The following PIGZ variants were observed in gnomAD, a reference collection of about 807,000 sequenced individuals.
PIGZ encodes the protein GPI alpha-1,2-mannosyltransferase 4.
PIGZ carries 16 observed loss-of-function variants against 16.4 expected under a neutral mutation model. That is an observed-to-expected ratio of 0.97 (90% CI 0.66 to 1.48). The LOEUF (loss-of-function observed/expected upper bound fraction) is 1.48. Among genes scored for constraint, PIGZ ranks in the 40% most tolerant of loss-of-function variants. PIGZ has a pLI of 0.00. For synonymous variants in PIGZ, 409 were observed against 338.4 expected, an observed-to-expected ratio of 1.21 and a Z score of -2.29; for missense variants, 770 against 739.2, an observed-to-expected ratio of 1.04 and a Z score of -0.48.
intron 1 of PIGZ, 131 bp from the exon 2 acceptor site, chr3:196,952,162 C>A: frequency 2.3e-6 from 2 of 880,760 alleles, no homozygotes; most frequent in Non-Finnish European, 3.5e-6. Flanking sequence ...ATACTCTATG[C>A]CCACTAACTG....
intron 1 of PIGZ, among the ~76,000 whole-genome samples, chr3:196,957,901 A>G (rs1456521929): frequency 6.6e-6 from 1 of 152,192 alleles, no homozygotes; most frequent in Non-Finnish European, 1.5e-5. Flanking sequence ...TTACAGTACA[A>G]TAAGACACCC....
At position 196,948,902 on chromosome 3, in the gene PIGZ, TCC is replaced by T. The variant is rs1216079310; in HGVS notation, c.212-219_212-218del. Among the ~76,000 whole-genome samples, 74 of 41,166 alleles carry T rather than the reference TCC, an allele frequency of 1.8e-3. 13 individuals are homozygous for T. The highest frequency in any genetic ancestry group is 7.8e-3 in the African/African-American group (67 of 8,620). The allele number at this position is 41,166 out of a possible 152,430, so 27.0% of individuals were successfully genotyped here. ...TTCCCTTCCTTCCCCTTCCTTCCCT[TCC>T]CCTCCCCTCCCTTCCCTTCCTTCCC... On this transcript the variant is annotated intron_variant, in intron 2 of 2. Transcript: ENST00000412723.
chr3:196,947,968 C>T lies in PIGZ; in HGVS notation c.929G>A (p.Gly310Asp). ...CAGGTGAGTGAGCCGCGCGTGCGTG[C>T]CATGTCTCGCCAGGTTTTGGGGATT... Reference protein sequence around the residue: ...NLNPQNLARHGTHARLTHLAV... With the variant: ...NLNPQNLARHDTHARLTHLAV... The change falls in exon 3 of 3, where the codon GGC becomes GAC. Residue 310 changes from glycine (G) to aspartate (D), a missense_variant. Gly to Asp is a moderately conservative substitution (Grantham distance 94). Coordinates refer to ENST00000412723, the MANE Select transcript of PIGZ (RefSeq NM_025163.4). 6.2e-7 allele frequency: 1 copy of T among 1,608,964 alleles called. No homozygotes were observed. Among genetic ancestry groups the T allele is most frequent in the Non-Finnish European group, 8.5e-7 (1 of 1,177,018 alleles).
In PIGZ at chr3:196,949,012, C is replaced by T. The variant is rs1333967432; in HGVS notation, c.212-327G>A. Among the ~76,000 whole-genome samples the T allele has an allele frequency of 2.4e-3, 59 of 24,736 alleles. 8 individuals carry two copies. In the East Asian group the frequency reaches 0.067, roughly 28 times the overall value. The allele number at this position is 24,736 out of a possible 152,430, so 16.2% of individuals were successfully genotyped here. On this transcript the variant is annotated intron_variant, in intron 2 of 2. Coordinates refer to ENST00000412723, the MANE Select transcript of PIGZ (RefSeq NM_025163.4). ...CTTCCTTCCCTTTACTTCTCTTTCC[C>T]TCCCCTCCCTTCCCTTCCTTCCCTT...
In PIGZ at chr3:196,948,080, C is replaced by G; in HGVS notation, c.817G>C (p.Val273Leu). The change falls in exon 3 of 3, where the codon GTG (valine) becomes CTG (leucine). Residue 273 changes from valine (V) to leucine (L), a missense_variant. By Grantham distance (32) the Val-to-Leu change is conservative. Transcript: ENST00000412723. Reference sequence around the variant, plus strand: ...GAGAAATACCAGCTGTCCGTGGCCACAAACACCGCTGCTGTGAGGGCTGCC... The same window carrying G: ...GAGAAATACCAGCTGTCCGTGGCCAGAAACACCGCTGCTGTGAGGGCTGCC... ...PGAALTAAVFVATDSWYFSSP... is the reference protein window; with the variant it reads ...PGAALTAAVFLATDSWYFSSP... The G allele has an allele frequency of 6.3e-7, 1 of 1,588,644 alleles. No homozygotes were observed. The highest frequency in any genetic ancestry group is 1.1e-5 in the South Asian group (1 of 87,720).
rs774167832 is a variant in PIGZ at position 196,947,699 on chromosome 3, C to T, written c.1198G>A (p.Val400Ile). Residue 400 changes from valine (V) to isoleucine (I), a missense_variant, in exon 3 of 3, where the codon GTC (valine) becomes ATC (isoleucine). By Grantham distance (29) the Val-to-Ile change is conservative. Coordinates refer to ENST00000412723, the MANE Select transcript of PIGZ (RefSeq NM_025163.4). ...RFLIPLLVPLVLLCSPQTQPV... is the reference protein window; with the variant it reads ...RFLIPLLVPLILLCSPQTQPV... ...TGCGTCTGTGGACTACAAAGCAGGA[C>T]CAGGGGGACCAGGAGGGGAATCAGG... The T allele has an allele frequency of 6.2e-7, 1 of 1,613,050 alleles. No homozygotes were observed. The highest frequency in any genetic ancestry group is 2.2e-5 in the East Asian group (1 of 44,872).
chr3:196,953,795 G>A (rs2108906465), intron 1 of PIGZ, among the ~76,000 whole-genome samples: 1 of 148,416 alleles, frequency 6.7e-6, no homozygotes, highest in African/African-American at 2.6e-5. Flanking sequence ...GAAACCAGGA[G>A]GTCAGACCAG....
chr3:196,948,131 G>C lies in PIGZ; in HGVS notation c.766C>G (p.Arg256Gly), dbSNP rs546709027. ...ATNPGLKSLTREALVLLPGAA... is the reference protein window; with the variant it reads ...ATNPGLKSLTGEALVLLPGAA... ...CCAGGGAGCAGCACCAGGGCCTCCC[G>C]GGTCAGAGACTTCAAACCAGGGTTT... The change falls in exon 3 of 3, where the codon CGG becomes GGG. Residue 256 changes from arginine to glycine, a missense_variant. Arg to Gly is a moderately radical substitution (Grantham distance 125, BLOSUM62 -2). Coordinates refer to ENST00000412723, the MANE Select transcript of PIGZ (RefSeq NM_025163.4). The C allele has an allele frequency of 6.2e-7, 1 of 1,604,082 alleles. No homozygotes were observed. The highest frequency in any genetic ancestry group is 8.5e-7 in the Non-Finnish European group (1 of 1,173,818).
chr3:196,968,786 AG>A lies in PIGZ; in HGVS notation c.-101del, dbSNP rs925051902. The stretch of plus-strand genomic sequence containing the variant: ...CGGAGGCGGCGGGACCGCAGGGCGG[AG>A]GGGAGGCCGTGGGAGCGGCCGGGCG... On this transcript the variant is annotated 5_prime_UTR_variant, in exon 1 of 3. Transcript: ENST00000412723. 9.9e-5 allele frequency: 15 copies of A among 151,094 alleles called. No individual in the cohort carries two copies. Among genetic ancestry groups the A allele is most frequent in the Admixed American group, 6.6e-4 (10 of 15,194 alleles). The allele number at this position is 151,094 out of a possible 1,614,324, so 9.4% of individuals were successfully genotyped here. A position where few individuals can be genotyped will look rare whatever the true frequency, so the allele number is the denominator to read the frequency against.
chr3:196,953,578 G>T (rs1424159058), intron 1 of PIGZ, among the ~76,000 whole-genome samples: 1 of 152,232 alleles, frequency 6.6e-6, no homozygotes, highest in African/African-American at 2.4e-5. Flanking sequence ...CCCATGGCAT[G>T]CTGGATCTGT....
chr3:196,964,329 A>G (rs924354400), intron 1 of PIGZ, among the ~76,000 whole-genome samples: 4 of 150,892 alleles, frequency 2.7e-5, no homozygotes, highest in African/African-American at 9.7e-5. Context: ...GATTACAGGC[A>G]TGAGCCACCG....
chr3:196,966,969 G>T (rs1448729346), intron 1 of PIGZ, among the ~76,000 whole-genome samples: 6 of 152,062 alleles, frequency 3.9e-5, no homozygotes, highest in Admixed American at 3.3e-4. Context: ...AGATTGGACT[G>T]GGGGGCAGGG....
intron 1 of PIGZ, among the ~76,000 whole-genome samples, 189 bp downstream of exon 1, chr3:196,968,498 C>A (rs1718028460): frequency 6.6e-6 from 1 of 152,352 alleles, no homozygotes; most frequent in East Asian, 1.9e-4. Context: ...TTCGAGCCAG[C>A]GGACCCCGGC....
rs1478091417 is a variant in PIGZ at position 196,947,849 on chromosome 3, G to C, written c.1048C>G (p.Gln350Glu). 6 of 1,613,464 alleles carry C rather than the reference G, an allele frequency of 3.7e-6. No individual in the cohort carries two copies. The East Asian group carries it at 1.1e-4, about 30-fold the overall frequency. The part of the protein sequence containing the change: ...RLQVGLQASA[Q>E]MGLLRALGAR... ...CCCAGTGCCCTCAGGAGGCCCATTTGTGCAGAGGCCTGGAGGCCGACTTGC... is the reference window on the plus strand; with the variant it reads ...CCCAGTGCCCTCAGGAGGCCCATTTCTGCAGAGGCCTGGAGGCCGACTTGC... Residue 350 changes from glutamine (Q) to glutamate (E), a missense_variant, in exon 3 of 3, where the codon CAA (glutamine) becomes GAA (glutamate). Transcript: ENST00000412723.
intron 1 of PIGZ, among the ~76,000 whole-genome samples, 169 bp downstream of exon 1, chr3:196,968,518 G>A (rs936184009): frequency 3.3e-5 from 5 of 152,216 alleles, no homozygotes; most frequent in Admixed American, 1.3e-4. Flanking sequence ...CCTAGGGACA[G>A]GTGCCTGCGA....
Position 196,948,968 on chromosome 3 carries a change from TTCCCC to T in PIGZ, c.212-288_212-284del, listed in dbSNP as rs1331902071. Among the ~76,000 whole-genome samples, 12 of 37,872 alleles carry T rather than the reference TTCCCC, an allele frequency of 3.2e-4. 1 individual carries two copies. Among genetic ancestry groups the T allele is most frequent in the Admixed American group, 1.9e-3 (6 of 3,092 alleles). 24.8% of individuals were successfully genotyped at this position (37,872 alleles called of 152,430 possible). On this transcript the variant is annotated intron_variant, in intron 2 of 2. Coordinates refer to ENST00000412723, the MANE Select transcript of PIGZ (RefSeq NM_025163.4). ...CTTCCCCTCCCCTCCCTTCCTTCCCTTCCCCTCCCCTCCCTTCCCTTCCTTCCCTT... is the reference window on the plus strand; with the variant it reads ...CTTCCCCTCCCCTCCCTTCCTTCCCTTCCCCTCCCTTCCCTTCCTTCCCTT...
At chr3:196,959,359 T>C (rs1332866475) in intron 1 of PIGZ, among the ~76,000 whole-genome samples, 2 of 152,226 alleles carry the variant, frequency 1.3e-5, no homozygotes, top group African/African-American at 4.8e-5. Context: ...GTATCTATTA[T>C]ATATTTGTAA....
In PIGZ at chr3:196,954,369, ATCT is replaced by A. The variant is rs558202730; in HGVS notation, c.1-2341_1-2339del. Among the ~76,000 whole-genome samples the A allele has an allele frequency of 1.4e-3, 209 of 152,338 alleles. 1 individual carries two copies. The highest frequency in any genetic ancestry group is 4.9e-3 in the African/African-American group (204 of 41,588). On this transcript the variant is annotated intron_variant, in intron 1 of 2. Transcript: ENST00000412723. ...TCTGCTATCAAACATTAGAAATTAA[ATCT>A]TCTAACTGTAGTTTGTACTGTAGCT...
rs948306566 is a variant in PIGZ, at chr3:196,948,077, C to T, written c.820G>A (p.Ala274Thr). 2 of 1,587,790 alleles carry T rather than the reference C, an allele frequency of 1.3e-6. No individual in the cohort carries two copies. Among genetic ancestry groups the T allele is most frequent in the South Asian group, 1.1e-5 (1 of 87,522 alleles). Residue 274 changes from alanine to threonine, a missense_variant, in exon 3 of 3, where the codon GCC becomes ACC. Transcript: ENST00000412723. ...CTGGAGAAATACCAGCTGTCCGTGGCCACAAACACCGCTGCTGTGAGGGCT... is the reference window on the plus strand; with the variant it reads ...CTGGAGAAATACCAGCTGTCCGTGGTCACAAACACCGCTGCTGTGAGGGCT... ...GAALTAAVFV[A>T]TDSWYFSSPA...
Sources: gnomAD v4.1 joint callset for allele counts (sites outside exome capture counted in the v4.1 genomes callset) on GRCh38, gnomAD v4.1.1 for gene constraint, MANE v1.5 for transcripts, NCBI Gene and HGNC (gene_info 2026-07-23, HGNC 2026-07-21) for gene names.